MYOM2: variants seen among roughly 807,000 people sequenced by gnomAD.
MYOM2 encodes myomesin-2.
Under a neutral mutation model 187.6 loss-of-function variants are expected in MYOM2, and 254 were observed. The observed-to-expected ratio is 1.35, with a 90% CI of 1.22 to 1.50. MYOM2 has a LOEUF of 1.50. Among genes scored for constraint, MYOM2 ranks in the 40% most tolerant of loss-of-function variants. The pLI is 0.00. For synonymous variants in MYOM2, 981 were observed against 753.8 expected, an observed-to-expected ratio of 1.30 and a Z score of -4.94; for missense variants, 2,796 against 1,924.0, an observed-to-expected ratio of 1.45 and a Z score of -8.48.
intron 32 of MYOM2, among the ~76,000 whole-genome samples, chr8:2,136,570 A>C (rs777907208): frequency 2.6e-5 from 4 of 152,180 alleles, no homozygotes; most frequent in Non-Finnish European, 5.9e-5. Context: ...TGAAACTTGA[A>C]TGATAAGTCA....
rs1371041337 is a variant in MYOM2, at chr8:2,074,275, G to A, written c.1120+775G>A. 3.3e-5 allele frequency among the ~76,000 whole-genome samples: 5 copies of A among 152,256 alleles called. No individual in the cohort carries two copies. The Middle Eastern group carries it at 0.01, about 311-fold the overall frequency. On this transcript the variant is annotated intron_variant, in intron 10 of 36. Transcript: ENST00000262113. Reference sequence around the variant, plus strand: ...TACAGTGATAGCAAAAGGAAATACTGTTCTCAGTTTTCCAGATGAATCCAT... The same window carrying A: ...TACAGTGATAGCAAAAGGAAATACTATTCTCAGTTTTCCAGATGAATCCAT...
At chr8:2,078,268 G>A (rs1819502248) in intron 11 of MYOM2, among the ~76,000 whole-genome samples, 1 of 152,202 alleles carries the variant, frequency 6.6e-6, no homozygotes, top group Non-Finnish European at 1.5e-5. Context: ...AGGGACCTGG[G>A]CCCTTGGTCT....
chr8:2,109,554 T>C (rs1198113435), intron 25 of MYOM2, 23 bp downstream of exon 25: 1 of 1,592,314 alleles, frequency 6.3e-7, no homozygotes, highest in Non-Finnish European at 8.5e-7. Context: ...GTGAGTGATC[T>C]CTGGCTTTGC....
chr8:2,070,030 C>T (rs1315148303), intron 8 of MYOM2, among the ~76,000 whole-genome samples: 1 of 152,178 alleles, frequency 6.6e-6, no homozygotes, highest in Non-Finnish European at 1.5e-5. Context: ...TAGGACCTGC[C>T]CTGGCCCTGT....
At chr8:2,113,428 G>C (rs1412597550) in intron 25 of MYOM2, among the ~76,000 whole-genome samples, 1 of 152,216 alleles carries the variant, frequency 6.6e-6, no homozygotes, top group Non-Finnish European at 1.5e-5. Flanking sequence ...GCTGGGAGCA[G>C]GTGAAGGCCT....
chr8:2,101,631 G>A (rs552630568), intron 20 of MYOM2, among the ~76,000 whole-genome samples: 25 of 152,280 alleles, frequency 1.6e-4, no homozygotes, highest in Middle Eastern at 3.4e-3. Context: ...GGGGAACTGC[G>A]CAGACACGCC....
intron 27 of MYOM2, 112 bp from the exon 28 acceptor site, chr8:2,117,773 A>G (rs1484363005): frequency 3.2e-6 from 2 of 618,674 alleles, no homozygotes; most frequent in Non-Finnish European, 5.4e-6. Context: ...ATTCTTATGT[A>G]TTATATATAC....
intron 31 of MYOM2, 74 bp from the exon 32 acceptor site, chr8:2,129,053 C>A (rs1166774250): frequency 3.5e-6 from 4 of 1,127,194 alleles, no homozygotes; most frequent in Non-Finnish European, 5.3e-6. Context: ...GGAGGGCTTG[C>A]CGCCGCGATG....
chr8:2,051,012 T>G, intron 2 of MYOM2, 139 bp downstream of exon 2: 1 of 656,706 alleles, frequency 1.5e-6, no homozygotes, highest in Non-Finnish European at 2.7e-6. Flanking sequence ...GCCTCTCCCG[T>G]GCCCAGGTCC....
At chr8:2,052,756 A>C (rs181937462) in intron 3 of MYOM2, among the ~76,000 whole-genome samples, 1 of 152,316 alleles carries the variant, frequency 6.6e-6, no homozygotes, top group African/African-American at 2.4e-5. Context: ...CAACCTCTGT[A>C]GCTATGCAGG....
chr8:2,138,244 A>G (rs1366747027), intron 32 of MYOM2, among the ~76,000 whole-genome samples: 1 of 152,026 alleles, frequency 6.6e-6, no homozygotes, highest in African/African-American at 2.4e-5. Flanking sequence ...CAAACATGGC[A>G]CTCTCGGCCC....
intron 31 of MYOM2, among the ~76,000 whole-genome samples, chr8:2,125,972 A>G (rs1797621497): frequency 6.6e-6 from 1 of 152,094 alleles, no homozygotes; most frequent in African/African-American, 2.4e-5. Context: ...TAAGAATTGC[A>G]TTCAATCTTT....
chr8:2,096,214 C>A (rs751079363), intron 17 of MYOM2, 33 bp from the exon 18 acceptor site: 1 of 1,594,894 alleles, frequency 6.3e-7, no homozygotes, highest in Non-Finnish European at 8.6e-7. Context: ...CAGCTGAGGC[C>A]CTCGGTAACT....
chr8:2,084,781 T>C (rs1819751822), intron 13 of MYOM2, among the ~76,000 whole-genome samples: 1 of 152,188 alleles, frequency 6.6e-6, no homozygotes, highest in Non-Finnish European at 1.5e-5. Flanking sequence ...CAAGGTGTTT[T>C]AGAAGTAGAT....
chr8:2,131,331 T>A (rs1304942968), intron 32 of MYOM2, among the ~76,000 whole-genome samples: 1 of 152,044 alleles, frequency 6.6e-6, no homozygotes, highest in Non-Finnish European at 1.5e-5. Flanking sequence ...GAGAGAAACA[T>A]GTCATTTTGT....
At chr8:2,123,449 C>T in intron 29 of MYOM2, 84 bp downstream of exon 29, 3 of 1,466,092 alleles carry the variant, frequency 2.0e-6, no homozygotes, top group Non-Finnish European at 2.8e-6. Context: ...CTCTAATTTG[C>T]ATCCTGAATT....
At position 2,102,747 on chromosome 8, in the gene MYOM2, C is replaced by T; in HGVS notation, c.2700C>T (p.Asp900=). 1 of 1,614,060 alleles carries T rather than the reference C, an allele frequency of 6.2e-7. No homozygotes were observed. Among genetic ancestry groups the T allele is most frequent in the Non-Finnish European group, 8.5e-7 (1 of 1,179,890 alleles). Residue 900 remains aspartate, a synonymous_variant, in exon 21 of 37, where the codon GAC becomes GAT. Coordinates refer to ENST00000262113, the MANE Select transcript of MYOM2 (RefSeq NM_003970.4). ...VNANGVGKPS[D]TSEPVLVEAR... is the part of the protein sequence containing the mutation. Reference sequence around the variant, plus strand: ...CAAATGGCGTGGGGAAGCCCTCAGACACGTCGGAGCCTGTGCTGGTAGAGG... The same window carrying T: ...CAAATGGCGTGGGGAAGCCCTCAGATACGTCGGAGCCTGTGCTGGTAGAGG...
At position 2,145,092 on chromosome 8, in the gene MYOM2, T is replaced by C. The variant is rs1798416984; in HGVS notation, c.*111T>C. ...CCGAGTGGTGTCCTGTGTGGGCTGA[T>C]AGTTGATCACACATTGTGCTTTTGA... On this transcript the variant is annotated 3_prime_UTR_variant, in exon 37 of 37. Transcript: ENST00000262113. 6.9e-6 allele frequency: 8 copies of C among 1,166,528 alleles called. No homozygotes were observed. The highest frequency in any genetic ancestry group is 9.8e-6 in the Non-Finnish European group (8 of 819,652). 72.3% of individuals were successfully genotyped at this position (1,166,528 alleles called of 1,614,324 possible). A position where few individuals can be genotyped will look rare whatever the true frequency, so the allele number is the denominator to read the frequency against.
chr8:2,092,207 T>A (rs1796327428), intron 15 of MYOM2, 139 bp from the exon 16 acceptor site: 1 of 1,025,118 alleles, frequency 9.8e-7, no homozygotes, highest in Admixed American at 2.2e-5. Context: ...CCTCTCCTAC[T>A]CCTGGACCCC....
Sources: allele counts gnomAD v4.1 joint callset (sites outside exome capture counted in the v4.1 genomes callset), GRCh38; gene constraint gnomAD v4.1.1; transcripts MANE v1.5; gene names NCBI Gene and HGNC (gene_info 2026-07-23, HGNC 2026-07-21).